The following IGF2BP2 variants were observed in gnomAD, a reference collection of about 807,000 sequenced individuals.
IGF2BP2 encodes insulin-like growth factor 2 mRNA-binding protein 2.
Under a neutral mutation model 75.8 loss-of-function variants are expected in IGF2BP2, and 17 were observed. The observed-to-expected ratio is 0.22, with a 90% confidence interval of 0.15 to 0.34. The LOEUF (loss-of-function observed/expected upper bound fraction) is 0.34, where lower values mean the gene tolerates loss of function less well. Ranked by LOEUF, IGF2BP2 falls within the 10% of genes least tolerant of loss-of-function variation. IGF2BP2 has a pLI of 1.00. For missense variants in IGF2BP2, 516 were observed against 772.4 expected (o/e 0.67, Z 3.93); for synonymous variants, 288 against 295.6 (o/e 0.97, Z 0.26).
chr3:185,770,660 T>C (rs547225275), intron 2 of IGF2BP2, among the ~76,000 whole-genome samples: 75 of 152,272 alleles, frequency 4.9e-4, no homozygotes, highest in African/African-American at 1.6e-3. Flanking sequence ...TACCAGCACA[T>C]ACAAATTATG....
intron 2 of IGF2BP2, among the ~76,000 whole-genome samples, chr3:185,762,301 G>C (rs1347783555): frequency 6.6e-6 from 1 of 150,436 alleles, no homozygotes; most frequent in African/African-American, 2.5e-5. Flanking sequence ...GCCAAGACAA[G>C]TGGATCACCT....
intron 2 of IGF2BP2, among the ~76,000 whole-genome samples, chr3:185,707,640 T>C (rs1413430036): frequency 6.6e-6 from 1 of 152,042 alleles, no homozygotes; most frequent in Non-Finnish European, 1.5e-5. Context: ...AGCTCAACTA[T>C]GTGAACTGAA....
At chr3:185,694,418 T>C (rs1722325139) in intron 4 of IGF2BP2, among the ~76,000 whole-genome samples, 1 of 152,244 alleles carries the variant, frequency 6.6e-6, no homozygotes, top group African/African-American at 2.4e-5. Context: ...TCAAAGATGT[T>C]AGTCTTCAGG....
chr3:185,761,012 AG>A (rs55753520), intron 2 of IGF2BP2, among the ~76,000 whole-genome samples: 1 of 151,416 alleles, frequency 6.6e-6, no homozygotes, highest in South Asian at 2.1e-4. Flanking sequence ...CTTTTTTTTG[AG>A]GGGGGGAACC....
At chr3:185,692,991 A>G (rs1464362984) in intron 4 of IGF2BP2, among the ~76,000 whole-genome samples, 2 of 152,222 alleles carry the variant, frequency 1.3e-5, no homozygotes, top group Non-Finnish European at 2.9e-5. Flanking sequence ...TATTTTCCAC[A>G]TATTTTATAA....
At chr3:185,801,340 T>G (rs577428795) in intron 2 of IGF2BP2, among the ~76,000 whole-genome samples, 1 of 151,786 alleles carries the variant, frequency 6.6e-6, no homozygotes, top group Non-Finnish European at 1.5e-5. Flanking sequence ...AAATACAAAA[T>G]TAGCCAGGCG....
intron 3 of IGF2BP2, among the ~76,000 whole-genome samples, chr3:185,697,309 T>C (rs1365353933): frequency 2.0e-5 from 3 of 152,228 alleles, no homozygotes; most frequent in African/African-American, 7.2e-5. Flanking sequence ...TTTCACCATG[T>C]TGGTCATGCT....
intron 2 of IGF2BP2, among the ~76,000 whole-genome samples, chr3:185,742,499 A>G (rs1729699180): frequency 6.6e-6 from 1 of 151,946 alleles, no homozygotes; most frequent in Admixed American, 6.6e-5. Context: ...CCATTTCGAA[A>G]AAAAAATATT....
Position 185,644,417 on chromosome 3 carries a change from T to C in IGF2BP2, c.*1114A>G, listed in dbSNP as rs1713151999. The stretch of plus-strand genomic sequence containing the variant: ...CATTCTTTCATTGTGGAATTTTTTC[T>C]TTGTTTGGTTGATTGGTTGGTTTGG... On this transcript the variant is annotated 3_prime_UTR_variant, in exon 16 of 16. Coordinates refer to ENST00000382199, the MANE Select transcript of IGF2BP2 (RefSeq NM_006548.6). 1 of 152,512 alleles carries C rather than the reference T, an allele frequency of 6.6e-6. No individual in the cohort carries two copies. Among genetic ancestry groups the C allele is most frequent in the African/African-American group, 2.4e-5 (1 of 41,424 alleles). The allele number at this position is 152,512 out of a possible 1,614,324, so 9.4% of individuals were successfully genotyped here.
At chr3:185,797,808 G>C (rs1737631206) in intron 2 of IGF2BP2, among the ~76,000 whole-genome samples, 1 of 151,056 alleles carries the variant, frequency 6.6e-6, no homozygotes, top group South Asian at 2.1e-4. Flanking sequence ...AGGAGGCTGA[G>C]GTGGGAGAAC....
intron 8 of IGF2BP2, 68 bp from the exon 9 acceptor site, chr3:185,675,499 A>T: frequency 6.4e-7 from 1 of 1,568,598 alleles, no homozygotes; most frequent in South Asian, 1.2e-5. Context: ...AAAAATAAAA[A>T]AATCACAAAC....
At chr3:185,765,880 C>G (rs1732972583) in intron 2 of IGF2BP2, among the ~76,000 whole-genome samples, 1 of 152,202 alleles carries the variant, frequency 6.6e-6, no homozygotes, top group South Asian at 2.1e-4. Flanking sequence ...GTCCACAAGG[C>G]AGCAAAGCTG....
chr3:185,733,752 G>A (rs1223329785), intron 2 of IGF2BP2, among the ~76,000 whole-genome samples: 1 of 151,686 alleles, frequency 6.6e-6, no homozygotes, highest in Non-Finnish European at 1.5e-5. Flanking sequence ...GCGAAACTCC[G>A]CCTCAATAAT....
intron 2 of IGF2BP2, among the ~76,000 whole-genome samples, chr3:185,797,380 G>C (rs1441958621): frequency 6.6e-6 from 1 of 152,146 alleles, no homozygotes; most frequent in Non-Finnish European, 1.5e-5. Flanking sequence ...TACTCTTTTG[G>C]CCATATCATT....
At chr3:185,796,633 A>AGAGAG (rs566118814) in intron 2 of IGF2BP2, among the ~76,000 whole-genome samples, 3 of 141,998 alleles carry the variant, frequency 2.1e-5, no homozygotes, top group African/African-American at 5.4e-5. Context: ...AAAAAAAAAA[A>AGAGAG]AGAGAGAGAG....
At chr3:185,741,909 G>A (rs1729602933) in intron 2 of IGF2BP2, among the ~76,000 whole-genome samples, 2 of 152,284 alleles carry the variant, frequency 1.3e-5, no homozygotes, top group South Asian at 4.1e-4. Flanking sequence ...GGCACTCTGA[G>A]AAACATGAAC....
At chr3:185,719,274 T>G (rs1464484461) in intron 2 of IGF2BP2, among the ~76,000 whole-genome samples, 7 of 152,094 alleles carry the variant, frequency 4.6e-5, no homozygotes, top group Admixed American at 4.6e-4. Context: ...TAGTGGGGCA[T>G]GACAAAGCTC....
chr3:185,689,270 C>A (rs749014147), intron 6 of IGF2BP2, 85 bp downstream of exon 6: 17 of 1,410,456 alleles, frequency 1.2e-5, no homozygotes, highest in Non-Finnish European at 1.6e-5. Context: ...CTGATGTAAG[C>A]AATTGTGACC....
intron 12 of IGF2BP2, among the ~76,000 whole-genome samples, chr3:185,655,645 A>G (rs1173769350): frequency 6.6e-6 from 1 of 152,242 alleles, no homozygotes; most frequent in African/African-American, 2.4e-5. Context: ...GGCCAGGAGC[A>G]CAGTGACACG....
Sources: gnomAD v4.1 joint callset for allele counts (sites outside exome capture counted in the v4.1 genomes callset) on GRCh38, gnomAD v4.1.1 for gene constraint, MANE v1.5 for transcripts, NCBI Gene and HGNC (gene_info 2026-07-23, HGNC 2026-07-21) for gene names.